The following DYRK3 variants were observed in gnomAD, a reference collection of about 807,000 sequenced individuals.
The protein encoded by DYRK3 is dual specificity tyrosine phosphorylation regulated kinase 3.
Under a neutral mutation model 40.8 loss-of-function variants are expected in DYRK3, and 30 were observed. The ratio of observed to expected loss-of-function variants is 0.74; its 90% CI spans 0.55 to 1.00. The LOEUF (loss-of-function observed/expected upper bound fraction) is 1.00. Among genes scored for constraint, DYRK3 ranks in the 50% least tolerant of loss-of-function variants. The pLI, the probability that DYRK3 is intolerant of heterozygous loss-of-function variation, is 0.00. For synonymous variants in DYRK3, 272 were observed against 260.7 expected, an observed-to-expected ratio of 1.04 and a Z score of -0.42; for missense variants, 699 against 731.5, an observed-to-expected ratio of 0.96 and a Z score of 0.51.
At position 206,653,374 on chromosome 1, in the gene DYRK3, C is replaced by T. The variant is rs1027691217; in HGVS notation, c.*4409C>T. ...AATCCACCTAATACCTGCTCATCTT[C>T]TAGTATTCTATCCTACCATCTACCC... On this transcript the variant is annotated 3_prime_UTR_variant, in exon 3 of 3. Transcript: ENST00000367109. 6.6e-6 allele frequency among the ~76,000 whole-genome samples: 1 copy of T among 152,138 alleles called. No individual in the cohort carries two copies. The highest frequency in any genetic ancestry group is 2.4e-5 in the African/African-American group (1 of 41,420).
rs150928044 is a variant in DYRK3, at chr1:206,637,697, A to G, written c.125A>G (p.Lys42Arg). The G allele has an allele frequency of 1.3e-4, 205 of 1,614,070 alleles. 2 individuals are homozygous for G. In the African/African-American group the frequency reaches 2.2e-3, roughly 17 times the overall value. ...YDTFMMIDET[K>R]CPPCSNVLCN... The stretch of plus-strand genomic sequence containing the variant: ...ACCTTCATGATGATAGATGAAACCA[A>G]ATGTCCCCCCTGTTCAAATGTACTC... The change falls in exon 2 of 3, where the codon AAA (lysine) becomes AGA (arginine). Residue 42 changes from lysine (K) to arginine (R), a missense_variant. Coordinates refer to ENST00000367109, the MANE Select transcript of DYRK3 (RefSeq NM_003582.4).
rs1553420886 is a variant in DYRK3 at position 206,648,834 on chromosome 1, A to G, written c.1636A>G (p.Ser546Gly). The G allele has an allele frequency of 1.2e-6, 2 of 1,614,086 alleles. No homozygotes were observed. Among genetic ancestry groups the G allele is most frequent in the African/African-American group, 1.3e-5 (1 of 74,930 alleles). ...VSGKRVVNPA[S>G]AFQGLGSKLP... ...AGGGAAACGGGTAGTTAATCCTGCA[A>G]GTGCTTTCCAGGGATTGGGTTCTAA... The change falls in exon 3 of 3, where the codon AGT becomes GGT. Residue 546 changes from serine to glycine, a missense_variant. Physicochemically the swap from Ser to Gly is moderately conservative, Grantham distance 56. Transcript: ENST00000367109.
At chr1:206,645,318 T>C (rs868958749) in intron 2 of DYRK3, among the ~76,000 whole-genome samples, 1 of 152,318 alleles carries the variant, frequency 6.6e-6, no homozygotes. Flanking sequence ...AATTAATCTG[T>C]TCCTCTTACT....
rs576415405 is a variant in DYRK3 at position 206,649,291 on chromosome 1, C to G, written c.*326C>G. On this transcript the variant is annotated 3_prime_UTR_variant, in exon 3 of 3. Coordinates refer to ENST00000367109, the MANE Select transcript of DYRK3 (RefSeq NM_003582.4). The stretch of plus-strand genomic sequence containing the variant: ...AAGATAGAAGGTGTAGCAAAAGTAT[C>G]CCAACTACTCCTCGCTTCTAGTGTC... 8.4e-6 allele frequency: 2 copies of G among 237,336 alleles called. No homozygotes were observed. Among genetic ancestry groups the G allele is most frequent in the Non-Finnish European group, 1.7e-5 (2 of 119,810 alleles). 14.7% of individuals were successfully genotyped at this position (237,336 alleles called of 1,614,324 possible).
rs1013075784 is a variant in DYRK3, at chr1:206,655,056, C to G, written c.*6091C>G. Among the ~76,000 whole-genome samples, 10 of 152,220 alleles carry G rather than the reference C, an allele frequency of 6.6e-5. No homozygotes were observed. Among genetic ancestry groups the G allele is most frequent in the Admixed American group, 6.5e-4 (10 of 15,282 alleles). ...GATTCTGTCCATTGTCCGTTTGAGT[C>G]TGCTGACATGCTTCCTCTGGAAAGT... On this transcript the variant is annotated 3_prime_UTR_variant, in exon 3 of 3. Coordinates refer to ENST00000367109, the MANE Select transcript of DYRK3 (RefSeq NM_003582.4).
chr1:206,638,766 C>T lies in DYRK3; in HGVS notation c.189+1005C>T, dbSNP rs1447359091. Among the ~76,000 whole-genome samples the T allele has an allele frequency of 3.3e-5, 5 of 151,850 alleles. No homozygotes were observed. In the East Asian group the frequency reaches 9.6e-4, roughly 29 times the overall value. On this transcript the variant is annotated intron_variant, in intron 2 of 2. Transcript: ENST00000367109. ...TGACTCATTTGTAATATTTCTCTTTCACGTTTCTGTGTTTAAGACCTGAAA... is the reference window on the plus strand; with the variant it reads ...TGACTCATTTGTAATATTTCTCTTTTACGTTTCTGTGTTTAAGACCTGAAA...
At chr1:206,637,897 GA>G in intron 2 of DYRK3, 136 bp downstream of exon 2, 1 of 584,284 alleles carries the variant, frequency 1.7e-6, no homozygotes, top group South Asian at 2.6e-5. Flanking sequence ...CTTGACTTTG[GA>G]ATAACAATGT....
rs1671589265 is a variant in DYRK3 at position 206,649,955 on chromosome 1, A to C, written c.*990A>C. Among the ~76,000 whole-genome samples the C allele has an allele frequency of 6.6e-6, 1 of 152,214 alleles. No homozygotes were observed. Among genetic ancestry groups the C allele is most frequent in the South Asian group, 2.1e-4 (1 of 4,832 alleles). ...CATTTTTCCCCCCACTTTCACGTTA[A>C]GCTTAATGCTATTCCCTAGATCTGA... On this transcript the variant is annotated 3_prime_UTR_variant, in exon 3 of 3. Transcript: ENST00000367109.
intron 2 of DYRK3, among the ~76,000 whole-genome samples, chr1:206,640,027 C>T (rs888020977): frequency 1.7e-4 from 26 of 150,712 alleles, no homozygotes; most frequent in African/African-American, 5.6e-4. Context: ...CTCCATCTCC[C>T]GGGTTCAAGC....
chr1:206,644,333 C>G (rs1242502199), intron 2 of DYRK3, among the ~76,000 whole-genome samples: 1 of 151,982 alleles, frequency 6.6e-6, no homozygotes, highest in Non-Finnish European at 1.5e-5. Flanking sequence ...CCACACCTGG[C>G]TGGACCTACA....
chr1:206,648,821 A>G lies in DYRK3; in HGVS notation c.1623A>G (p.Val541=). 3.1e-6 allele frequency: 5 copies of G among 1,614,222 alleles called. No individual in the cohort carries two copies. The highest frequency in any genetic ancestry group is 4.2e-6 in the Non-Finnish European group (5 of 1,180,026). ...TAGACAAGGTGTCAGGGAAACGGGT[A>G]GTTAATCCTGCAAGTGCTTTCCAGG... ...TTIDKVSGKR[V]VNPASAFQGL... Residue 541 remains valine (V), a synonymous_variant, in exon 3 of 3, where the codon GTA becomes GTG. Transcript: ENST00000367109.
At position 206,648,817 on chromosome 1, in the gene DYRK3, G is replaced by T. The variant is rs201711218; in HGVS notation, c.1619G>T (p.Arg540Leu). 6.2e-7 allele frequency: 1 copy of T among 1,614,196 alleles called. No homozygotes were observed. Residue 540 changes from arginine (R) to leucine (L), a missense_variant, in exon 3 of 3, where the codon CGG becomes CTG. Transcript: ENST00000367109. ...ACCATAGACAAGGTGTCAGGGAAAC[G>T]GGTAGTTAATCCTGCAAGTGCTTTC... ...LTTIDKVSGK[R>L]VVNPASAFQG... is the part of the protein sequence containing the mutation.
chr1:206,652,294 C>T lies in DYRK3; in HGVS notation c.*3329C>T, dbSNP rs1193319241. 6.6e-6 allele frequency among the ~76,000 whole-genome samples: 1 copy of T among 152,158 alleles called. No individual in the cohort carries two copies. The highest frequency in any genetic ancestry group is 1.9e-4 in the East Asian group (1 of 5,200). On this transcript the variant is annotated 3_prime_UTR_variant, in exon 3 of 3. Coordinates refer to ENST00000367109, the MANE Select transcript of DYRK3 (RefSeq NM_003582.4). ...GCTCCTGTAAGCAAACTGTTAAAAG[C>T]ATTACTACCCCATATGCATCTGATG...
At chr1:206,639,928 C>CTTTTTTTTTT (rs1166474916) in intron 2 of DYRK3, among the ~76,000 whole-genome samples, 2 of 87,500 alleles carry the variant, frequency 2.3e-5, no homozygotes, top group Non-Finnish European at 2.2e-5. Context: ...TTACTCATTT[C>CTTTTTTTTTT]TTTTTTTTTT....
chr1:206,641,081 T>C (rs1358580960), intron 2 of DYRK3, among the ~76,000 whole-genome samples: 3 of 152,094 alleles, frequency 2.0e-5, no homozygotes, highest in Non-Finnish European at 4.4e-5. Context: ...AAATATTTAG[T>C]GTTTTTTTTT....
intron 1 of DYRK3, chr1:206,636,757 A>T (rs566890446): frequency 5.4e-5 from 29 of 537,544 alleles, no homozygotes; most frequent in Non-Finnish European, 9.4e-5. Context: ...AAATGATACA[A>T]TGAAATGCTG....
In DYRK3 at chr1:206,652,850, C is replaced by T. The variant is rs1671667052; in HGVS notation, c.*3885C>T. Among the ~76,000 whole-genome samples the T allele has an allele frequency of 6.6e-6, 1 of 152,194 alleles. No homozygotes were observed. The highest frequency in any genetic ancestry group is 1.5e-5 in the Non-Finnish European group (1 of 68,036). On this transcript the variant is annotated 3_prime_UTR_variant, in exon 3 of 3. Transcript: ENST00000367109. ...ACAGAAATTCAGACTGTCTCTTCCT[C>T]AGTTACTGGATTGTTCTTTAGCCAT...
At chr1:206,638,844 A>C (rs1671195529) in intron 2 of DYRK3, among the ~76,000 whole-genome samples, 1 of 147,932 alleles carries the variant, frequency 6.8e-6, no homozygotes, top group Non-Finnish European at 1.5e-5. Context: ...TCCTGTGGTC[A>C]TCAGTTTTTG....
At chr1:206,643,990 A>T (rs930203898) in intron 2 of DYRK3, among the ~76,000 whole-genome samples, 2 of 149,018 alleles carry the variant, frequency 1.3e-5, no homozygotes, top group African/African-American at 4.9e-5. Context: ...CATCTTACAG[A>T]TAAAGAAACT....
Sources: gnomAD v4.1 joint callset for allele counts (sites outside exome capture counted in the v4.1 genomes callset) on GRCh38, gnomAD v4.1.1 for gene constraint, MANE v1.5 for transcripts, NCBI Gene and HGNC (gene_info 2026-07-23, HGNC 2026-07-21) for gene names.